Variants in STAU1 observed in about 807,000 individuals in gnomAD.
STAU1 encodes the protein staufen double-stranded RNA binding protein 1, also known as double-stranded RNA-binding protein Staufen homolog 1.
In STAU1, 13 loss-of-function variants were observed where a neutral mutation model predicts 62.9. The ratio of observed to expected loss-of-function variants is 0.21; its 90% confidence interval spans 0.13 to 0.33. The LOEUF is 0.33. Among genes scored for constraint, STAU1 ranks in the 10% least tolerant of loss-of-function variants. STAU1 has a pLI of 1.00. For missense variants in STAU1, 571 were observed against 712.1 expected (o/e 0.80, Z 2.25); for synonymous variants, 269 against 265.1 (o/e 1.01, Z -0.14).
intron 3 of STAU1, chr20:49,159,032 C>T: frequency 7.8e-7 from 1 of 1,276,502 alleles, no homozygotes; most frequent in Non-Finnish European, 1.0e-6. Context: ...CAAACAACAG[C>T]ATGAACTCAA....
At chr20:49,154,343 G>A (rs748095144) in intron 3 of STAU1, among the ~76,000 whole-genome samples, 6 of 152,092 alleles carry the variant, frequency 3.9e-5, no homozygotes, top group Non-Finnish European at 7.4e-5. Flanking sequence ...AAAGCTATAT[G>A]GTACAGCTGT....
At chr20:49,189,862 T>C (rs374134191), upstream of STAU1, among the ~76,000 whole-genome samples, 5 of 152,126 alleles carry the variant, frequency 3.3e-5, no homozygotes, top group East Asian at 1.9e-4. Context: ...AAATTCAAAA[T>C]ACGAGCTGCT....
rs564894143 is a variant in STAU1 at position 49,181,943 on chromosome 20, T to C, written c.-160+6173A>G. Among the ~76,000 whole-genome samples the C allele has an allele frequency of 2.7e-3, 415 of 152,330 alleles. 4 individuals are homozygous for C. Among genetic ancestry groups the C allele is most frequent in the Non-Finnish European group, 4.7e-3 (320 of 68,038 alleles). ...TCTATCATAATAAAATGGCCAGTTTTGCTTCCATTACTGTTATAAACCCAC... is the reference window on the plus strand; with the variant it reads ...TCTATCATAATAAAATGGCCAGTTTCGCTTCCATTACTGTTATAAACCCAC... On this transcript the variant is annotated intron_variant, in intron 1 of 13. Transcript: ENST00000371856.
intron 5 of STAU1, among the ~76,000 whole-genome samples, chr20:49,139,241 T>C (rs1263368551): frequency 6.6e-6 from 1 of 152,128 alleles, no homozygotes. Flanking sequence ...TTAGACTTCA[T>C]CAAAATTTAA....
At chr20:49,126,652 T>G (rs959347914) in intron 6 of STAU1, among the ~76,000 whole-genome samples, 1 of 109,944 alleles carries the variant, frequency 9.1e-6, no homozygotes, top group Non-Finnish European at 1.9e-5. Context: ...AAAAGAAAAA[T>G]AGAAGACTTA....
the STAU1 span, among the ~76,000 whole-genome samples, chr20:49,193,614 T>C: frequency 6.6e-6 from 1 of 152,050 alleles, no homozygotes; most frequent in Admixed American, 6.6e-5. Flanking sequence ...GAGGTTGCAC[T>C]GAGCCAATAT....
At chr20:49,126,588 C>CAAAAAAAAAAACAA in intron 6 of STAU1, among the ~76,000 whole-genome samples, 2 of 56,342 alleles carry the variant, frequency 3.5e-5, no homozygotes, top group African/African-American at 6.4e-5. Context: ...AAAAAAAAAA[C>CAAAAAAAAAAACAA]AAAAAAAAAA....
chr20:49,170,247 C>T (rs2093580151), intron 2 of STAU1, among the ~76,000 whole-genome samples: 1 of 152,208 alleles, frequency 6.6e-6, no homozygotes, highest in African/African-American at 2.4e-5. Context: ...TGCAATCGTG[C>T]TTAGTCTTTT....
chr20:49,126,598 A>AAAAAAAAAAAAACAAAAAAAAAC (rs2092629029), intron 6 of STAU1, among the ~76,000 whole-genome samples: 1 of 139,770 alleles, frequency 7.2e-6, no homozygotes, highest in Non-Finnish European at 1.6e-5. Context: ...CAAAAAAAAA[A>AAAAAAAAAAAAACAAAAAAAAAC]CAAAAAAACT....
chr20:49,212,615 A>ATTTTTTTTTTTTTTTTTTTTTTTT, the STAU1 span, among the ~76,000 whole-genome samples: 30 of 85,172 alleles, frequency 3.5e-4, 5 homozygotes, highest in African/African-American at 8.0e-4. Flanking sequence ...AGCTATTGGA[A>ATTTTTTTTTTTTTTTTTTTTTTTT]TTTTTTTTTT....
the STAU1 span, among the ~76,000 whole-genome samples, chr20:49,217,830 G>C: frequency 6.6e-6 from 1 of 150,630 alleles, no homozygotes; most frequent in Admixed American, 6.6e-5. Flanking sequence ...CTGGGCGACA[G>C]AGTGAGACCC....
the STAU1 span, among the ~76,000 whole-genome samples, chr20:49,218,163 C>A: frequency 2.0e-5 from 3 of 151,862 alleles, no homozygotes; most frequent in Non-Finnish European, 4.4e-5. Flanking sequence ...GCGCGAGTCA[C>A]CGCGCCCAGC....
chr20:49,135,528 C>T (rs914288562), intron 6 of STAU1, among the ~76,000 whole-genome samples: 1 of 152,168 alleles, frequency 6.6e-6, no homozygotes, highest in Non-Finnish European at 1.5e-5. Context: ...AGCCCCTCCA[C>T]CCTTCCCTAT....
At position 49,113,545 on chromosome 20, in the gene STAU1, G is replaced by A. The variant is rs2092231532; in HGVS notation, c.*1333C>T. 6.6e-6 allele frequency: 1 copy of A among 152,618 alleles called. No individual in the cohort carries two copies. Among genetic ancestry groups the A allele is most frequent in the South Asian group, 2.1e-4 (1 of 4,834 alleles). 9.5% of individuals were successfully genotyped at this position (152,618 alleles called of 1,614,324 possible). A position where few individuals can be genotyped will look rare whatever the true frequency, so the allele number is the denominator to read the frequency against. On this transcript the variant is annotated 3_prime_UTR_variant, in exon 14 of 14. Coordinates refer to ENST00000371856, the MANE Select transcript of STAU1 (RefSeq NM_017453.4). ...AAATTTAGTATTACCATTTATTGATGACAAACACTTAAGTTTTACTTACAT... is the reference window on the plus strand; with the variant it reads ...AAATTTAGTATTACCATTTATTGATAACAAACACTTAAGTTTTACTTACAT...
chr20:49,209,833 G>C, the STAU1 span, among the ~76,000 whole-genome samples: 1 of 152,092 alleles, frequency 6.6e-6, no homozygotes, highest in Non-Finnish European at 1.5e-5. Flanking sequence ...CGGATCACGA[G>C]GTCAGGAGAT....
At chr20:49,131,151 T>C (rs1433541135) in intron 6 of STAU1, among the ~76,000 whole-genome samples, 1 of 152,216 alleles carries the variant, frequency 6.6e-6, no homozygotes, top group African/African-American at 2.4e-5. Context: ...AGGGCCACTG[T>C]ACAAAAATAA....
intron 2 of STAU1, among the ~76,000 whole-genome samples, chr20:49,173,359 A>C (rs2093621455): frequency 6.6e-6 from 1 of 152,090 alleles, no homozygotes; most frequent in Non-Finnish European, 1.5e-5. Context: ...TGGGAGGCTG[A>C]GGCAGGAGAA....
At chr20:49,152,974 G>T (rs565903359) in intron 4 of STAU1, among the ~76,000 whole-genome samples, 4 of 152,266 alleles carry the variant, frequency 2.6e-5, no homozygotes, top group African/African-American at 9.6e-5. Flanking sequence ...AAAGGAGCCG[G>T]GCGTGGTGGC....
Position 49,151,641 on chromosome 20 carries a change from C to T in STAU1, c.451G>A (p.Asp151Asn), listed in dbSNP as rs192982850. The change falls in exon 5 of 14, where the codon GAT (aspartate) becomes AAT (asparagine). Residue 151 changes from aspartate to asparagine, a missense_variant. By Grantham distance (23) the Asp-to-Asn change is conservative (BLOSUM62 1). Around this residue, in one of 3 missense-constraint regions of STAU1, gnomAD observed 414 missense variants for 499.6 expected, o/e 0.83. Coordinates refer to ENST00000371856, the MANE Select transcript of STAU1 (RefSeq NM_017453.4). ...KGKTRQAAKH[D>N]AAAKALRILQ... ...ATCCTCAACGCTTTGGCAGCAGCAT[C>T]GTGTTTCGCAGCCTGTCTTGTCTTT... is the stretch of plus-strand genomic sequence containing the variant. 1.9e-6 allele frequency: 3 copies of T among 1,612,480 alleles called. No individual in the cohort carries two copies. The highest frequency in any genetic ancestry group is 2.5e-6 in the Non-Finnish European group (3 of 1,179,428).
Sources: gnomAD v4.1 joint callset for allele counts (sites outside exome capture counted in the v4.1 genomes callset) on GRCh38, gnomAD v4.1.1 for gene constraint, gnomAD v4.1.1 regional missense constraint, MANE v1.5 for transcripts, NCBI Gene and HGNC (gene_info 2026-07-23, HGNC 2026-07-21) for gene names.